The following NEO1 variants were observed in gnomAD, a reference collection of about 807,000 sequenced individuals.
The protein encoded by NEO1 is neogenin.
In NEO1, 63 loss-of-function variants were observed where a neutral mutation model predicts 159.7. The ratio of observed to expected loss-of-function variants is 0.39; its 90% CI spans 0.32 to 0.49. The LOEUF is 0.49. NEO1 is among the 20% of genes least tolerant of loss of function. The pLI is 0.85. For synonymous variants in NEO1, 633 were observed against 662.0 expected, an observed-to-expected ratio of 0.96 and a Z score of 0.67; for missense variants, 1,615 against 1,831.0, an observed-to-expected ratio of 0.88 and a Z score of 2.15.
chr15:73,171,228 A>G (rs2034947204), intron 5 of NEO1, among the ~76,000 whole-genome samples: 1 of 152,200 alleles, frequency 6.6e-6, no homozygotes, highest in African/African-American at 2.4e-5. Context: ...ACACCAGTGA[A>G]TGCACCTTGT....
intron 5 of NEO1, among the ~76,000 whole-genome samples, chr15:73,160,118 CT>C (rs1202235740): frequency 6.6e-6 from 1 of 152,030 alleles, no homozygotes; most frequent in African/African-American, 2.4e-5. Flanking sequence ...TGTTCATTGT[CT>C]TTTTACTTCA....
intron 1 of NEO1, among the ~76,000 whole-genome samples, chr15:73,088,447 C>T (rs1307180184): frequency 6.6e-6 from 1 of 151,938 alleles, no homozygotes; most frequent in African/African-American, 2.4e-5. Flanking sequence ...CCTGAAATAG[C>T]TGATATTTGA....
intron 27 of NEO1, among the ~76,000 whole-genome samples, chr15:73,299,570 A>G (rs2042527392): frequency 6.6e-6 from 1 of 152,138 alleles, no homozygotes; most frequent in South Asian, 2.1e-4. Context: ...TGTATTTAGT[A>G]GAGACGGGGT....
intron 4 of NEO1, among the ~76,000 whole-genome samples, chr15:73,135,627 AC>A: frequency 6.6e-6 from 1 of 152,242 alleles, no homozygotes; most frequent in African/African-American, 2.4e-5. Flanking sequence ...CAAGAGTGAT[AC>A]CCCTTTGGAA....
At chr15:73,067,412 A>G (rs556501829) in intron 1 of NEO1, among the ~76,000 whole-genome samples, 1 of 150,536 alleles carries the variant, frequency 6.6e-6, no homozygotes, top group Admixed American at 6.6e-5. Flanking sequence ...TGGTGTCTAT[A>G]TATATTCAGT....
chr15:73,156,926 G>A (rs559509621), intron 5 of NEO1, among the ~76,000 whole-genome samples: 1 of 152,278 alleles, frequency 6.6e-6, no homozygotes, highest in South Asian at 2.1e-4. Flanking sequence ...TCTTGGGTGA[G>A]GGATGACTGT....
rs761182097 is a variant in NEO1 at position 73,298,338 on chromosome 15, C to G, written c.3902-10C>G. On this transcript the variant is annotated splice_polypyrimidine_tract_variant and intron_variant, in intron 26 of 28. Transcript: ENST00000261908. ...AAAGAAATGCTAACATTTAGACTTTCCTGCTGTAGAATCCGTTCGAAATAC... is the reference window on the plus strand; with the variant it reads ...AAAGAAATGCTAACATTTAGACTTTGCTGCTGTAGAATCCGTTCGAAATAC... 6.2e-7 allele frequency: 1 copy of G among 1,613,068 alleles called. No homozygotes were observed. The highest frequency in any genetic ancestry group is 1.1e-5 in the South Asian group (1 of 91,080).
chr15:73,273,623 G>GCTAA (rs1056687566), intron 19 of NEO1, among the ~76,000 whole-genome samples, 188 bp from the exon 20 acceptor site: 2 of 152,150 alleles, frequency 1.3e-5, no homozygotes, highest in African/African-American at 4.8e-5. Context: ...ATCGGTAAGA[G>GCTAA]CTAAAACAGC....
intron 5 of NEO1, among the ~76,000 whole-genome samples, chr15:73,173,839 C>G (rs2035119460): frequency 6.6e-6 from 1 of 152,020 alleles, no homozygotes; most frequent in Non-Finnish European, 1.5e-5. Flanking sequence ...GTGGCTCATG[C>G]CTGTAATCCC....
intron 7 of NEO1, among the ~76,000 whole-genome samples, chr15:73,216,871 C>T (rs1044874183): frequency 4.6e-5 from 7 of 152,214 alleles, no homozygotes; most frequent in South Asian, 4.2e-4. Context: ...TTCTCCCATT[C>T]TGTAGGTTGC....
intron 7 of NEO1, among the ~76,000 whole-genome samples, chr15:73,233,068 T>C (rs1283558309): frequency 2.6e-5 from 4 of 152,202 alleles, no homozygotes; most frequent in Admixed American, 2.6e-4. Flanking sequence ...CAAACCATCA[T>C]GCCAGGAGTC....
intron 1 of NEO1, among the ~76,000 whole-genome samples, chr15:73,113,713 T>C (rs1387160551): frequency 1.3e-5 from 2 of 152,144 alleles, no homozygotes; most frequent in East Asian, 3.8e-4. Flanking sequence ...TGGCAGTATT[T>C]AGTTGCACAG....
At chr15:73,215,638 G>A (rs1173079331) in intron 7 of NEO1, among the ~76,000 whole-genome samples, 2 of 152,282 alleles carry the variant, frequency 1.3e-5, no homozygotes, top group East Asian at 3.9e-4. Flanking sequence ...AAACACACTT[G>A]ATCATGGTGG....
At chr15:73,301,295 TA>T in intron 27 of NEO1, 25 bp from the exon 28 acceptor site, 1 of 1,613,942 alleles carries the variant, frequency 6.2e-7, no homozygotes, top group Non-Finnish European at 8.5e-7. Context: ...CTTGGCCACA[TA>T]TCTGATGGTG....
intron 5 of NEO1, among the ~76,000 whole-genome samples, chr15:73,140,887 T>C (rs1375284560): frequency 6.6e-6 from 1 of 152,250 alleles, no homozygotes; most frequent in African/African-American, 2.4e-5. Context: ...ATTCCATTTG[T>C]GTAAACTTCA....
chr15:73,174,349 G>A (rs1017244815), intron 5 of NEO1, among the ~76,000 whole-genome samples: 3 of 152,124 alleles, frequency 2.0e-5, no homozygotes, highest in African/African-American at 7.2e-5. Context: ...CTCAGAGCTG[G>A]TGTGCAGAAA....
intron 6 of NEO1, among the ~76,000 whole-genome samples, chr15:73,176,943 T>C (rs2035310685): frequency 6.6e-6 from 1 of 152,150 alleles, no homozygotes; most frequent in Admixed American, 6.5e-5. Context: ...ACACTTCTCC[T>C]TGAAGTGTGG....
intron 7 of NEO1, among the ~76,000 whole-genome samples, chr15:73,222,298 G>T (rs2038338941): frequency 1.3e-5 from 2 of 151,388 alleles, no homozygotes; most frequent in African/African-American, 4.9e-5. Flanking sequence ...TAGAGACGGG[G>T]TTTCACCGTG....
chr15:73,256,086 C>T (rs1036269632), intron 13 of NEO1: 4 of 152,180 alleles, frequency 2.6e-5, no homozygotes, highest in African/African-American at 9.7e-5. Flanking sequence ...CTTTAACTTT[C>T]TTTATATTTT....
Sources: allele counts gnomAD v4.1 joint callset (sites outside exome capture counted in the v4.1 genomes callset), GRCh38; gene constraint gnomAD v4.1.1; transcripts MANE v1.5; gene names NCBI Gene and HGNC (gene_info 2026-07-23, HGNC 2026-07-21).